RANBP2: variants seen among roughly 807,000 people sequenced by gnomAD.
RANBP2 encodes the protein E3 SUMO-protein ligase RanBP2.
Under a neutral mutation model 303.6 loss-of-function variants are expected in RANBP2, and 57 were observed. The ratio of observed to expected loss-of-function variants is 0.19; its 90% CI spans 0.15 to 0.23. The LOEUF is 0.23. Ranked by LOEUF, RANBP2 falls within the 10% of genes least tolerant of loss-of-function variation. The pLI is 1.00. For synonymous variants in RANBP2, 1,167 were observed against 1,301.5 expected (o/e 0.90, Z 2.23); for missense variants, 3,138 against 3,780.8 (o/e 0.83, Z 4.46).
chr2:108,752,680 C>T (rs1321606353), intron 12 of RANBP2, among the ~76,000 whole-genome samples: 4 of 148,556 alleles, frequency 2.7e-5, no homozygotes, highest in African/African-American at 9.9e-5. Flanking sequence ...GTAGTCCCAG[C>T]TACTTGGGAG....
the RANBP2 span, among the ~76,000 whole-genome samples, chr2:109,431,525 A>G: frequency 6.6e-6 from 1 of 152,194 alleles, no homozygotes; most frequent in Non-Finnish European, 1.5e-5. Context: ...GCTGAGTTAG[A>G]GGCACAGCAT....
At chr2:109,683,864 G>T in the RANBP2 span, among the ~76,000 whole-genome samples, 4 of 152,126 alleles carry the variant, frequency 2.6e-5, no homozygotes, top group African/African-American at 9.7e-5. Flanking sequence ...CACTCTGAGT[G>T]GAGACTATTT....
the RANBP2 span, among the ~76,000 whole-genome samples, chr2:108,831,997 T>C: frequency 1.3e-5 from 2 of 152,020 alleles, no homozygotes; most frequent in Admixed American, 1.3e-4. Context: ...CCTCCCGAAG[T>C]GCTGGGATTA....
the RANBP2 span, among the ~76,000 whole-genome samples, chr2:109,692,395 T>C: frequency 1.3e-5 from 2 of 152,116 alleles, no homozygotes; most frequent in African/African-American, 2.4e-5. Context: ...TGCACAACTC[T>C]GAGAACAGAC....
the RANBP2 span, among the ~76,000 whole-genome samples, chr2:109,232,308 A>G: frequency 1.3e-5 from 2 of 152,096 alleles, no homozygotes; most frequent in African/African-American, 2.4e-5. Flanking sequence ...TAGTCATCCT[A>G]GAAGGATCAT....
At chr2:109,585,429 G>T in the RANBP2 span, 1 of 936,210 alleles carries the variant, frequency 1.1e-6, no homozygotes, top group Non-Finnish European at 1.6e-6. Context: ...CAAAGGCCAG[G>T]GTGCGCATGA....
At chr2:108,875,954 GT>G in the RANBP2 span, 61 of 573,566 alleles carry the variant, frequency 1.1e-4, no homozygotes, top group African/African-American at 1.1e-3. Context: ...TAATCTTTTA[GT>G]TGCCTATTTT....
At chr2:109,506,279 C>A in the RANBP2 span, among the ~76,000 whole-genome samples, 3 of 152,126 alleles carry the variant, frequency 2.0e-5, no homozygotes, top group African/African-American at 7.2e-5. Flanking sequence ...ACCTGAACTG[C>A]GGAGGGGCGT....
At chr2:109,489,058 T>C in the RANBP2 span, among the ~76,000 whole-genome samples, 1 of 152,070 alleles carries the variant, frequency 6.6e-6, no homozygotes, top group African/African-American at 2.4e-5. Flanking sequence ...AGGAAACACA[T>C]TGAGAAAAGT....
chr2:108,954,021 G>A, the RANBP2 span, among the ~76,000 whole-genome samples: 1 of 152,230 alleles, frequency 6.6e-6, no homozygotes, highest in Non-Finnish European at 1.5e-5. Flanking sequence ...GTCAGACAAA[G>A]AGAATTAAAG....
the RANBP2 span, among the ~76,000 whole-genome samples, chr2:109,396,564 G>C: frequency 6.6e-6 from 1 of 152,152 alleles, no homozygotes; most frequent in Non-Finnish European, 1.5e-5. Flanking sequence ...TGGGTTTTTT[G>C]TTTTTGTTTT....
chr2:109,542,864 C>CAT, the RANBP2 span: 2 of 152,390 alleles, frequency 1.3e-5, no homozygotes, highest in Non-Finnish European at 2.9e-5. Flanking sequence ...CTGACACAGA[C>CAT]TAATAAGTTT....
chr2:108,754,720 A>G (rs1558907450), intron 15 of RANBP2, among the ~76,000 whole-genome samples, 185 bp from the exon 16 acceptor site: 1 of 151,940 alleles, frequency 6.6e-6, no homozygotes, highest in African/African-American at 2.4e-5. Flanking sequence ...AAAAAATAAT[A>G]ATAATACAAA....
chr2:109,625,677 A>G, the RANBP2 span, among the ~76,000 whole-genome samples: 1 of 152,148 alleles, frequency 6.6e-6, no homozygotes, highest in Non-Finnish European at 1.5e-5. Context: ...AATAAAATAA[A>G]ATAAAAATAC....
the RANBP2 span, among the ~76,000 whole-genome samples, chr2:109,071,192 T>G: frequency 6.6e-6 from 1 of 152,268 alleles, no homozygotes; most frequent in Non-Finnish European, 1.5e-5. Flanking sequence ...AGAAGAAAAG[T>G]AGGCCTTGCT....
the RANBP2 span, among the ~76,000 whole-genome samples, chr2:109,003,702 C>T: frequency 2.6e-5 from 4 of 152,218 alleles, no homozygotes; most frequent in South Asian, 4.2e-4. Context: ...TGAGCCACTG[C>T]GCCCAGCCAG....
chr2:108,753,745 C>G (rs1475776580), intron 14 of RANBP2, 80 bp from the exon 15 acceptor site: 1 of 1,609,478 alleles, frequency 6.2e-7, no homozygotes, highest in Non-Finnish European at 8.5e-7. Context: ...GGATTACAGG[C>G]ATGAGCCACC....
chr2:109,078,135 AGCGTG>A, the RANBP2 span, among the ~76,000 whole-genome samples: 30 of 65,728 alleles, frequency 4.6e-4, 1 homozygote, highest in African/African-American at 1.3e-3. Context: ...ATATATATAT[AGCGTG>A]TATATATATA....
At chr2:109,352,619 C>G in the RANBP2 span, among the ~76,000 whole-genome samples, 1 of 152,250 alleles carries the variant, frequency 6.6e-6, no homozygotes, top group Non-Finnish European at 1.5e-5. Context: ...CTCTCCCTTC[C>G]TGGGCACCCC....
Sources: allele counts gnomAD v4.1 joint callset (sites outside exome capture counted in the v4.1 genomes callset), GRCh38; gene constraint gnomAD v4.1.1; transcripts MANE v1.5; gene names NCBI Gene and HGNC (gene_info 2026-07-23, HGNC 2026-07-21).